CCSER1: variants seen among roughly 807,000 people sequenced by gnomAD.
CCSER1 encodes the protein coiled-coil serine rich protein 1.
A neutral mutation model predicts 82.0 loss-of-function variants in CCSER1; 41 were observed. That is an observed-to-expected ratio of 0.50 (90% CI 0.39 to 0.65). CCSER1 has a LOEUF of 0.65. Among genes scored for constraint, CCSER1 ranks in the 30% least tolerant of loss-of-function variants. CCSER1 has a pLI of 0.00. For missense variants in CCSER1, 1,119 were observed against 1,064.2 expected, an observed-to-expected ratio of 1.05 and a Z score of -0.72; for synonymous variants, 414 against 383.9, an observed-to-expected ratio of 1.08 and a Z score of -0.92.
chr4:90,227,369 T>C lies in CCSER1; in HGVS notation c.-41-80875T>C, dbSNP rs1018748802. Among the ~76,000 whole-genome samples, 11 of 152,356 alleles carry C rather than the reference T, an allele frequency of 7.2e-5. No individual in the cohort carries two copies. In the East Asian group the frequency reaches 2.1e-3, roughly 29 times the overall value. On this transcript the variant is annotated intron_variant, in intron 1 of 10. Transcript: ENST00000509176. ...CCAACTTTATACTTTGGGAAATCTG[T>C]GTTTTTTGCCGAATTGCAAAATTGC...
intron 10 of CCSER1, among the ~76,000 whole-genome samples, chr4:91,101,345 TAAAAG>T (rs1419611467): frequency 6.6e-6 from 1 of 152,140 alleles, no homozygotes; most frequent in African/African-American, 2.4e-5. Flanking sequence ...AAGTTAAACT[TAAAAG>T]TAAGCAGGAA....
At chr4:91,424,580 G>T (rs1753871246) in intron 10 of CCSER1, among the ~76,000 whole-genome samples, 1 of 152,046 alleles carries the variant, frequency 6.6e-6, no homozygotes. Context: ...ATGCCTCAAT[G>T]TTCTCATCAG....
chr4:91,311,941 G>C (rs1745510781), intron 10 of CCSER1, among the ~76,000 whole-genome samples: 1 of 151,740 alleles, frequency 6.6e-6, no homozygotes, highest in African/African-American at 2.4e-5. Flanking sequence ...TTATAATTCT[G>C]GTTAGTAACT....
chr4:90,247,065 G>T (rs1167149262), intron 1 of CCSER1, among the ~76,000 whole-genome samples: 1 of 152,096 alleles, frequency 6.6e-6, no homozygotes, highest in Non-Finnish European at 1.5e-5. Flanking sequence ...AGCGCCTACA[G>T]CATGAATCTG....
chr4:90,312,489 C>T (rs956371470), intron 2 of CCSER1, among the ~76,000 whole-genome samples: 1 of 152,064 alleles, frequency 6.6e-6, no homozygotes, highest in African/African-American at 2.4e-5. Context: ...GGTGGAGAGG[C>T]AGATGAGAGT....
intron 9 of CCSER1, among the ~76,000 whole-genome samples, chr4:91,022,643 T>C (rs1042664362): frequency 7.9e-5 from 12 of 152,274 alleles, no homozygotes; most frequent in Middle Eastern, 3.4e-3. Flanking sequence ...AAAAGTGTTC[T>C]TATTTCTCCA....
chr4:90,557,493 T>A (rs1778279620), intron 5 of CCSER1, among the ~76,000 whole-genome samples: 2 of 152,100 alleles, frequency 1.3e-5, no homozygotes, highest in Non-Finnish European at 2.9e-5. Context: ...GTGGGTACAC[T>A]TTTGTCTTTA....
chr4:90,818,089 T>G (rs1395574391), intron 8 of CCSER1, among the ~76,000 whole-genome samples: 1 of 152,084 alleles, frequency 6.6e-6, no homozygotes, highest in African/African-American at 2.4e-5. Flanking sequence ...TATCTACATG[T>G]ATGCTGTAGA....
chr4:91,471,492 C>G (rs1757272794), intron 10 of CCSER1, among the ~76,000 whole-genome samples: 1 of 152,066 alleles, frequency 6.6e-6, no homozygotes, highest in South Asian at 2.1e-4. Flanking sequence ...TCACGGTTGT[C>G]ATGAGGTAAT....
At chr4:90,144,412 A>T (rs1351865185) in intron 1 of CCSER1, among the ~76,000 whole-genome samples, 2 of 152,190 alleles carry the variant, frequency 1.3e-5, no homozygotes, top group Non-Finnish European at 2.9e-5. Context: ...TGATCAACAT[A>T]TAGCTCTTGT....
intron 5 of CCSER1, among the ~76,000 whole-genome samples, chr4:90,578,471 T>G (rs1256582471): frequency 6.6e-6 from 1 of 152,128 alleles, no homozygotes; most frequent in Non-Finnish European, 1.5e-5. Flanking sequence ...CCCTACCTTT[T>G]GCCTATTCTC....
At chr4:91,197,572 A>G (rs1293404229) in intron 10 of CCSER1, among the ~76,000 whole-genome samples, 2 of 152,222 alleles carry the variant, frequency 1.3e-5, no homozygotes, top group South Asian at 2.1e-4. Flanking sequence ...GTTAACTACA[A>G]CTGTACTGCC....
intron 10 of CCSER1, among the ~76,000 whole-genome samples, chr4:91,285,525 A>AT (rs1486401245): frequency 6.6e-6 from 1 of 151,846 alleles, no homozygotes; most frequent in Non-Finnish European, 1.5e-5. Flanking sequence ...GATATTTGAG[A>AT]TTTTCGATCA....
intron 3 of CCSER1, among the ~76,000 whole-genome samples, chr4:90,356,851 C>T (rs1274406514): frequency 6.6e-6 from 1 of 151,752 alleles, no homozygotes; most frequent in East Asian, 1.9e-4. Context: ...CTGATATTTA[C>T]ACCATAACTT....
intron 1 of CCSER1, among the ~76,000 whole-genome samples, chr4:90,138,134 T>G (rs1279581717): frequency 6.6e-6 from 1 of 152,158 alleles, no homozygotes; most frequent in Non-Finnish European, 1.5e-5. Flanking sequence ...AGATACTCAG[T>G]ATGGAAGTGA....
At chr4:90,334,905 C>G (rs1740090174) in intron 3 of CCSER1, among the ~76,000 whole-genome samples, 1 of 152,136 alleles carries the variant, frequency 6.6e-6, no homozygotes, top group Admixed American at 6.6e-5. Context: ...TTTCTAGTCA[C>G]AAACCAAACT....
In CCSER1 at chr4:90,167,708, A is replaced by G. The variant is rs1383779404; in HGVS notation, c.-42+39877A>G. On this transcript the variant is annotated intron_variant, in intron 1 of 10. Transcript: ENST00000509176. ...TCTCATTGTTCAGTTCCCACCTATG[A>G]GTGAGAACATGCAGTGTTTGGTTTT... Among the ~76,000 whole-genome samples, 4 of 150,640 alleles carry G rather than the reference A, an allele frequency of 2.7e-5. No individual in the cohort carries two copies. In the East Asian group the frequency reaches 7.9e-4, roughly 30 times the overall value.
intron 6 of CCSER1, among the ~76,000 whole-genome samples, chr4:90,642,920 C>A (rs1726829038): frequency 6.6e-6 from 1 of 150,852 alleles, no homozygotes; most frequent in Non-Finnish European, 1.5e-5. Context: ...AGTAAAAGTG[C>A]TCAAGATATA....
intron 3 of CCSER1, among the ~76,000 whole-genome samples, chr4:90,369,246 A>C (rs1262030564): frequency 3.6e-5 from 5 of 140,066 alleles, no homozygotes; most frequent in Admixed American, 7.2e-5. Context: ...GAGAAGGACA[A>C]AGATGAGGAT....
Sources: gnomAD v4.1 joint callset for allele counts (sites outside exome capture counted in the v4.1 genomes callset) on GRCh38, gnomAD v4.1.1 for gene constraint, MANE v1.5 for transcripts, NCBI Gene and HGNC (gene_info 2026-07-23, HGNC 2026-07-21) for gene names.